Variants in KCNN3 observed in about 807,000 individuals in gnomAD.
The protein encoded by KCNN3 is small conductance calcium-activated potassium channel protein 3.
A neutral mutation model predicts 62.9 loss-of-function variants in KCNN3; 16 were observed. The ratio of observed to expected loss-of-function variants is 0.25; its 90% CI spans 0.17 to 0.39. The LOEUF (loss-of-function observed/expected upper bound fraction) is 0.39, where lower values mean the gene tolerates loss of function less well. KCNN3 is among the 10% of genes least tolerant of loss of function. The pLI is 1.00. For missense variants in KCNN3, 599 were observed against 949.4 expected, an observed-to-expected ratio of 0.63 and a Z score of 4.85; for synonymous variants, 370 against 389.2, an observed-to-expected ratio of 0.95 and a Z score of 0.58.
At chr1:154,720,574 GAAAA>G (rs1557941274) in intron 5 of KCNN3, among the ~76,000 whole-genome samples, 22 of 152,050 alleles carry the variant, frequency 1.4e-4, no homozygotes, top group Non-Finnish European at 3.1e-4. Flanking sequence ...GCCTGCTGAA[GAAAA>G]TTTTCTTCTA....
chr1:154,781,766 A>G (rs1044352971), intron 2 of KCNN3, among the ~76,000 whole-genome samples: 26 of 152,220 alleles, frequency 1.7e-4, no homozygotes, highest in Non-Finnish European at 1.0e-4. Context: ...TTGAGCCCCC[A>G]TTATGTGACA....
chr1:154,742,140 C>T (rs774071037), intron 3 of KCNN3, among the ~76,000 whole-genome samples: 1 of 152,262 alleles, frequency 6.6e-6, no homozygotes, highest in Non-Finnish European at 1.5e-5. Flanking sequence ...CCAAGCTTGC[C>T]TTGCACACAT....
At chr1:154,729,533 T>G (rs1700546525) in intron 4 of KCNN3, among the ~76,000 whole-genome samples, 1 of 152,088 alleles carries the variant, frequency 6.6e-6, no homozygotes, top group South Asian at 2.1e-4. Context: ...ATTTTCCAGC[T>G]GGAAAACCTT....
At chr1:154,725,141 G>T (rs950283399) in intron 5 of KCNN3, among the ~76,000 whole-genome samples, 3 of 151,970 alleles carry the variant, frequency 2.0e-5, no homozygotes, top group East Asian at 1.9e-4. Context: ...GGCGTGAGCC[G>T]CCGCTCCCAG....
chr1:154,729,569 A>AG (rs1193702181), intron 4 of KCNN3, among the ~76,000 whole-genome samples: 1 of 152,204 alleles, frequency 6.6e-6, no homozygotes, highest in Non-Finnish European at 1.5e-5. Context: ...AAGTATCCCA[A>AG]GGGGAAAAGT....
At chr1:154,829,053 TCCAGGAGCTC>T (rs1411422710) in intron 1 of KCNN3, among the ~76,000 whole-genome samples, 1 of 152,204 alleles carries the variant, frequency 6.6e-6, no homozygotes, top group African/African-American at 2.4e-5. Context: ...CTGAATCCCA[TCCAGGAGCTC>T]CCAGGAGCTC....
chr1:154,810,453 T>C (rs1261023151), intron 2 of KCNN3, among the ~76,000 whole-genome samples: 2 of 151,676 alleles, frequency 1.3e-5, no homozygotes, highest in Admixed American at 1.3e-4. Flanking sequence ...GACCCTAGCC[T>C]TCCTTGGGAT....
At chr1:154,822,362 C>T (rs1234094305) in intron 1 of KCNN3, among the ~76,000 whole-genome samples, 178 bp from the exon 2 acceptor site, 1 of 152,202 alleles carries the variant, frequency 6.6e-6, no homozygotes, top group African/African-American at 2.4e-5. Flanking sequence ...GGGCTGTGCC[C>T]GGGCCGGCTC....
Position 154,864,888 on chromosome 1 carries a change from G to C in KCNN3, c.933+4144C>G, listed in dbSNP as rs1298225799. On this transcript the variant is annotated intron_variant, in intron 1 of 7. Transcript: ENST00000271915. ...AAGGCCGGGCATGGGGAAGTGGCTT[G>C]AGGTTGTACAGATTGGTGGAAAAGA... 2.0e-5 allele frequency among the ~76,000 whole-genome samples: 3 copies of C among 152,124 alleles called. No homozygotes were observed. In the East Asian group the frequency reaches 5.8e-4, roughly 29 times the overall value.
chr1:154,743,443 C>T (rs1700869440), intron 3 of KCNN3, among the ~76,000 whole-genome samples: 1 of 152,202 alleles, frequency 6.6e-6, no homozygotes, highest in Non-Finnish European at 1.5e-5. Flanking sequence ...CTCTCTGAGC[C>T]CATCTCACCT....
rs1571194303 is a variant in KCNN3 at position 154,705,516 on chromosome 1, T to G, written c.*2460A>C. 1.3e-5 allele frequency: 2 copies of G among 152,174 alleles called. No individual in the cohort carries two copies. Among genetic ancestry groups the G allele is most frequent in the Admixed American group, 1.3e-4 (2 of 15,274 alleles). The allele number at this position is 152,174 out of a possible 1,614,324, so 9.4% of individuals were successfully genotyped here. A position where few individuals can be genotyped will look rare whatever the true frequency, so the allele number is the denominator to read the frequency against. ...TGCCAGTGGCTACTGCTACCAGAAA[T>G]AACTCCAGTCACTCCCTTGACTAGT... On this transcript the variant is annotated 3_prime_UTR_variant, in exon 8 of 8. Coordinates refer to ENST00000271915, the MANE Select transcript of KCNN3 (RefSeq NM_002249.6).
intron 2 of KCNN3, among the ~76,000 whole-genome samples, chr1:154,774,518 G>C (rs764206689): frequency 6.6e-6 from 1 of 152,234 alleles, no homozygotes; most frequent in Non-Finnish European, 1.5e-5. Context: ...GGAGGGTGAG[G>C]CCTGAGATCC....
chr1:154,834,655 A>G (rs1384449332), intron 1 of KCNN3, among the ~76,000 whole-genome samples: 1 of 152,214 alleles, frequency 6.6e-6, no homozygotes. Context: ...AGTACCTGTT[A>G]TATGACAGGC....
intron 3 of KCNN3, among the ~76,000 whole-genome samples, 189 bp from the exon 4 acceptor site, chr1:154,733,333 G>GC (rs1384472861): frequency 2.6e-5 from 4 of 152,168 alleles, no homozygotes; most frequent in Non-Finnish European, 5.9e-5. Flanking sequence ...CCCACCTGCA[G>GC]CCCCCCGTCC....
intron 2 of KCNN3, among the ~76,000 whole-genome samples, chr1:154,797,789 C>A (rs1325800891): frequency 6.6e-6 from 1 of 152,194 alleles, no homozygotes; most frequent in South Asian, 2.1e-4. Context: ...ACCCCAGAGA[C>A]CTAGAAGGAC....
At chr1:154,849,642 C>G (rs956397593) in intron 1 of KCNN3, among the ~76,000 whole-genome samples, 1 of 152,218 alleles carries the variant, frequency 6.6e-6, no homozygotes, top group Non-Finnish European at 1.5e-5. Flanking sequence ...CTGGACCAGG[C>G]TGCTTGATGA....
intron 3 of KCNN3, among the ~76,000 whole-genome samples, chr1:154,755,767 GT>G (rs1264025011): frequency 2.0e-5 from 1 of 50,810 alleles, no homozygotes; most frequent in Admixed American, 2.5e-4. Context: ...AGGAGGAGAG[GT>G]GGAGGAGGAG....
intron 3 of KCNN3, among the ~76,000 whole-genome samples, chr1:154,765,123 G>A (rs1648198942): frequency 1.3e-5 from 2 of 152,118 alleles, no homozygotes; most frequent in Non-Finnish European, 2.9e-5. Flanking sequence ...AGAATGTATT[G>A]GGGTATGTCT....
intron 3 of KCNN3, among the ~76,000 whole-genome samples, chr1:154,745,518 G>A (rs539848372): frequency 2.2e-4 from 33 of 152,322 alleles, no homozygotes; most frequent in African/African-American, 7.2e-4. Context: ...AGGCCTCAGC[G>A]GGGAAGCTTC....
Sources: allele counts gnomAD v4.1 joint callset (sites outside exome capture counted in the v4.1 genomes callset), GRCh38; gene constraint gnomAD v4.1.1; transcripts MANE v1.5; gene names NCBI Gene and HGNC (gene_info 2026-07-23, HGNC 2026-07-21).